SGCZ: variants seen among roughly 807,000 people sequenced by gnomAD.
SGCZ encodes zeta-sarcoglycan.
Under a neutral mutation model 41.3 loss-of-function variants are expected in SGCZ, and 40 were observed. The ratio of observed to expected loss-of-function variants is 0.97; its 90% CI spans 0.75 to 1.26. The LOEUF (loss-of-function observed/expected upper bound fraction) is 1.26, where lower values mean the gene tolerates loss of function less well. Among genes scored for constraint, SGCZ ranks in the 50% most tolerant of loss-of-function variants. The pLI, the probability that SGCZ is intolerant of heterozygous loss-of-function variation, is 0.00. For missense variants in SGCZ, 552 were observed against 369.8 expected (o/e 1.49, Z -4.04); for synonymous variants, 206 against 137.5 (o/e 1.50, Z -3.49).
intron 1 of SGCZ, among the ~76,000 whole-genome samples, chr8:15,172,649 A>T (rs1799880400): frequency 6.6e-6 from 1 of 152,190 alleles, no homozygotes; most frequent in Admixed American, 6.5e-5. Context: ...GTCAAATATC[A>T]AAAGGAGTGA....
intron 5 of SGCZ, among the ~76,000 whole-genome samples, chr8:14,128,120 C>G (rs971697868): frequency 1.3e-5 from 2 of 152,140 alleles, no homozygotes; most frequent in Non-Finnish European, 2.9e-5. Context: ...GAAAAAAATG[C>G]TTATACACTG....
chr8:14,273,770 GT>G (rs1321286851), intron 3 of SGCZ, among the ~76,000 whole-genome samples: 1 of 152,062 alleles, frequency 6.6e-6, no homozygotes, highest in Non-Finnish European at 1.5e-5. Context: ...GATACTAAGT[GT>G]AAAAACTAAT....
chr8:14,784,583 G>A (rs1800694666), intron 1 of SGCZ, among the ~76,000 whole-genome samples: 1 of 151,860 alleles, frequency 6.6e-6, no homozygotes, highest in African/African-American at 2.4e-5. Flanking sequence ...AAACTCCTTA[G>A]ACAAGGAGAA....
chr8:14,313,241 T>C (rs931142872), intron 3 of SGCZ, among the ~76,000 whole-genome samples: 8 of 152,224 alleles, frequency 5.3e-5, no homozygotes, highest in South Asian at 2.1e-4. Flanking sequence ...TAATTGGTAG[T>C]AGGAACTATC....
intron 1 of SGCZ, among the ~76,000 whole-genome samples, chr8:14,831,828 A>G (rs1276324421): frequency 6.6e-6 from 1 of 152,222 alleles, no homozygotes; most frequent in Non-Finnish European, 1.5e-5. Context: ...ACATACATGT[A>G]TATATGTGTG....
intron 2 of SGCZ, among the ~76,000 whole-genome samples, chr8:14,338,481 C>A (rs1308141149): frequency 6.6e-6 from 1 of 152,108 alleles, no homozygotes; most frequent in African/African-American, 2.4e-5. Flanking sequence ...TCCCAATATC[C>A]TGCTTGGGGG....
intron 4 of SGCZ, among the ~76,000 whole-genome samples, chr8:14,210,168 C>T (rs1235835291): frequency 6.6e-6 from 1 of 152,138 alleles, no homozygotes; most frequent in African/African-American, 2.4e-5. Context: ...AGCAATTCTC[C>T]TGCCTCAGCC....
In SGCZ at chr8:15,044,258, G is replaced by C. The variant is rs1023271405; in HGVS notation, c.39+193327C>G. Among the ~76,000 whole-genome samples, 7 of 152,000 alleles carry C rather than the reference G, an allele frequency of 4.6e-5. No homozygotes were observed. In the East Asian group the frequency reaches 9.7e-4, roughly 21 times the overall value. The stretch of plus-strand genomic sequence containing the variant: ...CTTGCCACATGTCCATTTGACAAGG[G>C]GGCACTGTTAAACTTGCTTCTCCAT... On this transcript the variant is annotated intron_variant, in intron 1 of 7. Coordinates refer to ENST00000382080, the MANE Select transcript of SGCZ (RefSeq NM_139167.4).
chr8:14,645,163 C>G (rs866806679), intron 1 of SGCZ, among the ~76,000 whole-genome samples: 5 of 151,526 alleles, frequency 3.3e-5, no homozygotes, highest in African/African-American at 1.2e-4. Flanking sequence ...TCAACTTAAA[C>G]TATAAAATGA....
chr8:14,626,862 G>T (rs1356816179), intron 1 of SGCZ, among the ~76,000 whole-genome samples: 1 of 152,230 alleles, frequency 6.6e-6, no homozygotes, highest in East Asian at 1.9e-4. Context: ...CACTTAGTTT[G>T]TGGTACTTTG....
At chr8:14,579,551 A>G (rs1207391875) in intron 1 of SGCZ, among the ~76,000 whole-genome samples, 1 of 152,178 alleles carries the variant, frequency 6.6e-6, no homozygotes, top group Non-Finnish European at 1.5e-5. Context: ...TGTTGGGGAA[A>G]TTTTATACAA....
chr8:14,258,382 G>A (rs187942685), intron 3 of SGCZ, among the ~76,000 whole-genome samples: 33 of 152,024 alleles, frequency 2.2e-4, no homozygotes, highest in Non-Finnish European at 3.5e-4. Flanking sequence ...CTGATCTCTC[G>A]GGAATACTCT....
intron 4 of SGCZ, among the ~76,000 whole-genome samples, chr8:14,175,283 T>G (rs1804508603): frequency 6.6e-6 from 1 of 152,008 alleles, no homozygotes; most frequent in Admixed American, 6.6e-5. Flanking sequence ...TGAAGAAAAT[T>G]ATAAAGGACT....
intron 4 of SGCZ, among the ~76,000 whole-genome samples, chr8:14,199,094 G>T (rs892040347): frequency 5.9e-5 from 9 of 152,206 alleles, no homozygotes; most frequent in African/African-American, 2.2e-4. Context: ...AACTCTGGCT[G>T]CCTGTGGGCC....
intron 1 of SGCZ, among the ~76,000 whole-genome samples, chr8:15,153,563 C>T (rs268375): frequency 0.72 from 109,115 of 151,816 alleles, 40,255 homozygotes; most frequent in South Asian, 0.84. Context: ...ATTTTGATCC[C>T]GGGGGTAGAT....
At chr8:14,110,785 G>T (rs545140929) in intron 5 of SGCZ, among the ~76,000 whole-genome samples, 2 of 152,202 alleles carry the variant, frequency 1.3e-5, no homozygotes, top group African/African-American at 4.8e-5. Context: ...ATGCACAGTG[G>T]CTCGTGCCTG....
chr8:14,224,760 A>C (rs906694201), intron 4 of SGCZ, among the ~76,000 whole-genome samples: 1 of 152,156 alleles, frequency 6.6e-6, no homozygotes, highest in Non-Finnish European at 1.5e-5. Context: ...GGTCCATTTA[A>C]GATCATATTC....
intron 1 of SGCZ, among the ~76,000 whole-genome samples, chr8:14,954,351 C>T (rs1237675760): frequency 1.3e-5 from 2 of 152,110 alleles, no homozygotes; most frequent in Non-Finnish European, 2.9e-5. Context: ...GGCAGACAGA[C>T]TCTATCTGCC....
chr8:15,011,002 A>T (rs1690507050), intron 1 of SGCZ, among the ~76,000 whole-genome samples: 1 of 152,218 alleles, frequency 6.6e-6, no homozygotes, highest in South Asian at 2.1e-4. Flanking sequence ...TATGTTATCT[A>T]TTAATGAAGC....
Sources: gnomAD v4.1 joint callset for allele counts (sites outside exome capture counted in the v4.1 genomes callset) on GRCh38, gnomAD v4.1.1 for gene constraint, MANE v1.5 for transcripts, NCBI Gene and HGNC (gene_info 2026-07-23, HGNC 2026-07-21) for gene names.